NPSR1: variants seen among roughly 807,000 people sequenced by gnomAD.
NPSR1 encodes neuropeptide S receptor 1.
A neutral mutation model predicts 46.9 loss-of-function variants in NPSR1; 48 were observed. The ratio of observed to expected loss-of-function variants is 1.02; its 90% CI spans 0.81 to 1.30. The LOEUF is 1.30. Among genes scored for constraint, NPSR1 ranks in the 50% most tolerant of loss-of-function variants. The pLI is 0.00. For synonymous variants in NPSR1, 176 were observed against 168.1 expected (o/e 1.05, Z -0.36); for missense variants, 450 against 449.5 (o/e 1.00, Z -0.01).
rs886700020 is a variant in NPSR1, at chr7:34,859,410, C to A, written c.1025+10747C>A. Among the ~76,000 whole-genome samples, 2 of 151,558 alleles carry A rather than the reference C, an allele frequency of 1.3e-5. 1 individual carries two copies. Among genetic ancestry groups the A allele is most frequent in the African/African-American group, 4.9e-5 (2 of 40,904 alleles). On this transcript the variant is annotated intron_variant, in intron 8 of 8. Coordinates refer to the NPSR1 transcript ENST00000359791. Reference sequence around the variant, plus strand: ...TTTCATTCTTTCTGCCCTTCCTTGTCCCCCAGAGTGGAGATCTGAAGTGCA... The same window carrying A: ...TTTCATTCTTTCTGCCCTTCCTTGTACCCCAGAGTGGAGATCTGAAGTGCA...
chr7:34,668,590 C>T (rs1791877849), intron 1 of NPSR1, among the ~76,000 whole-genome samples: 5 of 152,328 alleles, frequency 3.3e-5, no homozygotes, highest in African/African-American at 1.2e-4. Context: ...TGGATATTCT[C>T]AGTGGGTTAA....
intron 4 of NPSR1, among the ~76,000 whole-genome samples, chr7:34,820,491 T>C (rs529966796): frequency 4.6e-5 from 7 of 152,182 alleles, no homozygotes; most frequent in Admixed American, 1.3e-4. Flanking sequence ...TTTCGTGACA[T>C]AGGTATGCAA....
At chr7:34,693,018 C>A (rs1793343480) in intron 2 of NPSR1, among the ~76,000 whole-genome samples, 1 of 152,166 alleles carries the variant, frequency 6.6e-6, no homozygotes, top group Non-Finnish European at 1.5e-5. Flanking sequence ...CCTTGGGCAC[C>A]AGCCTACTGC....
At chr7:34,702,843 T>G (rs1004206261) in intron 2 of NPSR1, among the ~76,000 whole-genome samples, 20 of 152,212 alleles carry the variant, frequency 1.3e-4, no homozygotes, top group African/African-American at 4.8e-4. Context: ...GCTAATGTCT[T>G]TTTTGGTTAC....
At chr7:34,674,838 C>G (rs1287454132) in intron 1 of NPSR1, among the ~76,000 whole-genome samples, 1 of 152,136 alleles carries the variant, frequency 6.6e-6, no homozygotes, top group Non-Finnish European at 1.5e-5. Flanking sequence ...GGACCTTATG[C>G]TCAGTCCTGA....
At chr7:34,681,611 T>C (rs555203601) in intron 1 of NPSR1, among the ~76,000 whole-genome samples, 110 of 152,054 alleles carry the variant, frequency 7.2e-4, no homozygotes, top group Non-Finnish European at 1.3e-3. Context: ...ACATGTAGGG[T>C]GGCCTTAGCC....
rs931015765 is a variant in NPSR1 at position 34,849,919 on chromosome 7, G to A, written c.*264G>A. 21 of 1,234,090 alleles carry A rather than the reference G, an allele frequency of 1.7e-5. No individual in the cohort carries two copies. In the African/African-American group the frequency reaches 2.9e-4, roughly 17 times the overall value. 76.4% of individuals were successfully genotyped at this position (1,234,090 alleles called of 1,614,324 possible). On this transcript the variant is annotated 3_prime_UTR_variant, in exon 9 of 9. Transcript: ENST00000360581. ...CCCTCCTTCCCACTGGCCAGCACCT[G>A]AACCCAGTGAACACAGGCATTAGTG...
chr7:34,792,327 G>A (rs1299761798), intron 3 of NPSR1, among the ~76,000 whole-genome samples: 2 of 151,626 alleles, frequency 1.3e-5, no homozygotes, highest in Non-Finnish European at 2.9e-5. Context: ...ATGATAAAGG[G>A]TTAATATCCA....
At chr7:34,794,000 A>T (rs1788057555) in intron 3 of NPSR1, among the ~76,000 whole-genome samples, 1 of 152,134 alleles carries the variant, frequency 6.6e-6, no homozygotes, top group Admixed American at 6.6e-5. Context: ...TTTCACTGAT[A>T]TGTGGAATCT....
At chr7:34,773,420 A>T (rs1297174652) in intron 2 of NPSR1, among the ~76,000 whole-genome samples, 1 of 152,148 alleles carries the variant, frequency 6.6e-6, no homozygotes, top group Non-Finnish European at 1.5e-5. Flanking sequence ...ATGTTGTGGG[A>T]TTTCCATTCT....
chr7:34,718,762 GA>G (rs1440609943), intron 2 of NPSR1: 1 of 152,270 alleles, frequency 6.6e-6, no homozygotes, highest in Non-Finnish European at 1.5e-5. Context: ...GGCAGGGACT[GA>G]GAAGTAGCAG....
intron 1 of NPSR1, among the ~76,000 whole-genome samples, chr7:34,674,746 G>C (rs1792231163): frequency 6.6e-6 from 1 of 152,172 alleles, no homozygotes; most frequent in Non-Finnish European, 1.5e-5. Context: ...AGCTGATGTA[G>C]CTGCATCTTG....
intron 4 of NPSR1, among the ~76,000 whole-genome samples, 157 bp from the exon 5 acceptor site, chr7:34,827,244 C>T (rs148192625): frequency 6.6e-6 from 1 of 152,312 alleles, no homozygotes; most frequent in African/African-American, 2.4e-5. Context: ...TATGGAGATA[C>T]TGTATCCCTG....
intron 2 of NPSR1, among the ~76,000 whole-genome samples, chr7:34,710,181 C>T (rs985463279): frequency 2.6e-5 from 4 of 152,110 alleles, no homozygotes; most frequent in Non-Finnish European, 2.9e-5. Context: ...AAAACCCTTC[C>T]TACTTGCAAT....
intron 3 of NPSR1, among the ~76,000 whole-genome samples, chr7:34,811,134 C>A (rs1288226049): frequency 1.3e-5 from 2 of 152,112 alleles, no homozygotes; most frequent in Non-Finnish European, 2.9e-5. Context: ...TGGTAACCAG[C>A]TCAGTGCCCT....
At chr7:34,664,778 C>G (rs1245665560) in intron 1 of NPSR1, among the ~76,000 whole-genome samples, 1 of 152,092 alleles carries the variant, frequency 6.6e-6, no homozygotes, top group Non-Finnish European at 1.5e-5. Context: ...GCAAATTATG[C>G]CCTATCTGGA....
At chr7:34,750,131 T>TA (rs1785443827) in intron 2 of NPSR1, 1 of 297,426 alleles carries the variant, frequency 3.4e-6, no homozygotes, top group African/African-American at 2.2e-5. Flanking sequence ...TGTATGTATT[T>TA]TTTTTTTTTT....
At chr7:34,842,159 C>A (rs542146755) in intron 6 of NPSR1, among the ~76,000 whole-genome samples, 1 of 152,182 alleles carries the variant, frequency 6.6e-6, no homozygotes, top group African/African-American at 2.4e-5. Flanking sequence ...TGTTAATCTT[C>A]AAAGTAACTC....
chr7:34,805,560 C>T (rs1788658035), intron 3 of NPSR1, among the ~76,000 whole-genome samples: 1 of 142,914 alleles, frequency 7.0e-6, no homozygotes, highest in Non-Finnish European at 1.5e-5. Flanking sequence ...ATAGATATAA[C>T]ATAATGCTCA....
Sources: gnomAD v4.1 joint callset for allele counts (sites outside exome capture counted in the v4.1 genomes callset) on GRCh38, gnomAD v4.1.1 for gene constraint, MANE v1.5 for transcripts, NCBI Gene and HGNC (gene_info 2026-07-23, HGNC 2026-07-21) for gene names.